The following TTC19 variants were observed in gnomAD, a reference collection of about 807,000 sequenced individuals.
TTC19 encodes the protein tetratricopeptide repeat protein 19, mitochondrial.
Under a neutral mutation model 49.5 loss-of-function variants are expected in TTC19, and 38 were observed. The ratio of observed to expected loss-of-function variants is 0.77; its 90% confidence interval spans 0.59 to 1.01. TTC19 has a LOEUF of 1.01. TTC19 is among the 50% of genes least tolerant of loss of function. The probability of loss-of-function intolerance (pLI) is 0.00; values close to 1 mark genes in which losing one functional copy is unlikely to be tolerated. For missense variants in TTC19, 475 were observed against 477.7 expected, an observed-to-expected ratio of 0.99 and a Z score of 0.05; for synonymous variants, 204 against 185.2, an observed-to-expected ratio of 1.10 and a Z score of -0.83.
At position 16,000,191 on chromosome 17, in the gene TTC19, G is replaced by C; in HGVS notation, c.258G>C (p.Glu86Asp). Residue 86 changes from glutamate (E) to aspartate (D), a missense_variant, in exon 2 of 10, where the codon GAG (glutamate) becomes GAC (aspartate). Coordinates refer to ENST00000261647, the MANE Select transcript of TTC19 (RefSeq NM_017775.4). ...EQQGADGAAA[E>D]DGADEAEAEI... is the part of the protein sequence containing the mutation. ...AGGGAGCCGACGGGGCCGCTGCCGA[G>C]GACGGGGCGGACGAGGCCGAGGCAG... The C allele has an allele frequency of 6.3e-7, 1 of 1,594,014 alleles. No homozygotes were observed. The highest frequency in any genetic ancestry group is 1.7e-5 in the Admixed American group (1 of 59,846).
rs1250944617 is a variant in TTC19, at chr17:16,029,395, T to C, written c.*1873T>C. 3.0e-6 allele frequency: 1 copy of C among 332,604 alleles called. No individual in the cohort carries two copies. Among genetic ancestry groups the C allele is most frequent in the Non-Finnish European group, 5.9e-6 (1 of 169,756 alleles). The allele number at this position is 332,604 out of a possible 1,614,324, so 20.6% of individuals were successfully genotyped here. A position where few individuals can be genotyped will look rare whatever the true frequency, so the allele number is the denominator to read the frequency against. On this transcript the variant is annotated 3_prime_UTR_variant, in exon 10 of 10. Coordinates refer to ENST00000261647, the MANE Select transcript of TTC19 (RefSeq NM_017775.4). The stretch of plus-strand genomic sequence containing the variant: ...GGTTAAAATCGTGTCATTAAAATTT[T>C]TTAACTGTCCAATGGTCACTGGAGT...
In TTC19 at chr17:16,028,570, A is replaced by AGAT. The variant is rs1425161170; in HGVS notation, c.*1049_*1051dup. 22 of 454,070 alleles carry AGAT rather than the reference A, an allele frequency of 4.8e-5. No individual in the cohort carries two copies. The highest frequency in any genetic ancestry group is 4.4e-4 in the African/African-American group (22 of 50,120). The allele number at this position is 454,070 out of a possible 1,614,324, so 28.1% of individuals were successfully genotyped here. A position where few individuals can be genotyped will look rare whatever the true frequency, so the allele number is the denominator to read the frequency against. On this transcript the variant is annotated 3_prime_UTR_variant, in exon 10 of 10. Coordinates refer to ENST00000261647, the MANE Select transcript of TTC19 (RefSeq NM_017775.4). ...TATCACACTGTCTCAAAGTATGTAA[A>AGAT]GATACATAGGTGGATGCTCTTACTG...
chr17:16,007,751 C>T (rs747144627), intron 7 of TTC19, among the ~76,000 whole-genome samples: 5 of 152,084 alleles, frequency 3.3e-5, no homozygotes, highest in Non-Finnish European at 7.4e-5. Flanking sequence ...TTCATGCCAC[C>T]CAGAATGGCA....
chr17:16,031,121 A>C (rs1971904796), downstream of TTC19: 2 of 193,652 alleles, frequency 1.0e-5, no homozygotes, highest in South Asian at 3.9e-4. Flanking sequence ...CAGTCTTTTA[A>C]ATTATTTGCA....
chr17:16,006,665 A>G (rs931794136), intron 7 of TTC19, 97 bp downstream of exon 7: 1 of 877,118 alleles, frequency 1.1e-6, no homozygotes. Flanking sequence ...GGAAGAGGGA[A>G]AGTTACCTAT....
chr17:16,020,458 A>G (rs1413512362), intron 7 of TTC19, among the ~76,000 whole-genome samples: 1 of 152,060 alleles, frequency 6.6e-6, no homozygotes, highest in Non-Finnish European at 1.5e-5. Flanking sequence ...TTTTCACATT[A>G]GGGCATTTGA....
chr17:16,032,260 C>A (rs112840784), downstream of TTC19: 1 of 1,536,514 alleles, frequency 6.5e-7, no homozygotes, highest in East Asian at 2.5e-5. Context: ...ACTAGAGATC[C>A]CTCTCCTGCA....
Position 16,040,291 on chromosome 17 carries a change from G to C in TTC19, c.248-4212G>C, listed in dbSNP as rs747028032. ...ATCTCAGTTCCTTTCTGTGCTACTG[G>C]GTAAACCTTCCTTCACTAAATTATT... is the stretch of plus-strand genomic sequence containing the variant. On this transcript the variant is annotated intron_variant, in intron 2 of 2. Transcript: ENST00000470649. 95 of 728,448 alleles carry C rather than the reference G, an allele frequency of 1.3e-4. No homozygotes were observed. In the Middle Eastern group the frequency reaches 2.1e-3, roughly 16 times the overall value. The allele number at this position is 728,448 out of a possible 1,614,324, so 45.1% of individuals were successfully genotyped here. A position where few individuals can be genotyped will look rare whatever the true frequency, so the allele number is the denominator to read the frequency against.
At chr17:16,030,068 AG>A (rs149322560), downstream of TTC19, 544 of 177,088 alleles carry the variant, frequency 3.1e-3, 6 homozygotes, top group African/African-American at 0.012. Flanking sequence ...ACTGCTGACC[AG>A]AAGTCTTACG....
At chr17:16,044,184 A>G (rs943743273) in intron 2 of TTC19, among the ~76,000 whole-genome samples, 16 of 151,654 alleles carry the variant, frequency 1.1e-4, no homozygotes, top group East Asian at 7.7e-4. Context: ...AAAAAAAAAA[A>G]AAAAGAAAGA....
chr17:16,034,759 C>A (rs961020101), intron 2 of TTC19: 8 of 1,608,418 alleles, frequency 5.0e-6, no homozygotes, highest in Non-Finnish European at 5.1e-6. Flanking sequence ...AAAGCAGAAT[C>A]CTTACCTGTT....
At chr17:16,026,880 A>G (rs1273198640) in intron 9 of TTC19, 178 bp downstream of exon 9, 3 of 724,218 alleles carry the variant, frequency 4.1e-6, no homozygotes, top group East Asian at 2.7e-5. Context: ...ATTGTGTTCA[A>G]TTCACGTAAC....
intron 2 of TTC19, among the ~76,000 whole-genome samples, chr17:16,035,702 C>T (rs907819139): frequency 5.9e-5 from 9 of 151,916 alleles, no homozygotes; most frequent in Non-Finnish European, 1.2e-4. Context: ...CCACCACACC[C>T]GGCTACTTTT....
intron 7 of TTC19, among the ~76,000 whole-genome samples, chr17:16,017,354 CAGG>C (rs2151667982): frequency 6.8e-6 from 1 of 147,558 alleles, no homozygotes; most frequent in Non-Finnish European, 1.5e-5. Flanking sequence ...GAGGCTGAGG[CAGG>C]AGAATGGCAC....
chr17:16,042,255 C>T (rs2057852087), intron 2 of TTC19, among the ~76,000 whole-genome samples: 1 of 152,228 alleles, frequency 6.6e-6, no homozygotes, highest in Middle Eastern at 3.4e-3. Flanking sequence ...TAAATTGAGC[C>T]TGAAACAGCA....
At position 16,026,594 on chromosome 17, in the gene TTC19, G is replaced by C. The variant is rs1971570054; in HGVS notation, c.886G>C (p.Asp296His). Residue 296 changes from aspartate to histidine, a missense_variant, in exon 9 of 10, where the codon GAT (aspartate) becomes CAT (histidine). Coordinates refer to ENST00000261647, the MANE Select transcript of TTC19 (RefSeq NM_017775.4). ...ATTLDAQGRF[D>H]EAYIYMQRAS... The stretch of plus-strand genomic sequence containing the variant: ...TACCCTGGATGCACAGGGCCGCTTT[G>C]ATGAGGCCTATATTTATATGCAAAG... The C allele has an allele frequency of 6.2e-7, 1 of 1,614,150 alleles. No homozygotes were observed. Among genetic ancestry groups the C allele is most frequent in the Non-Finnish European group, 8.5e-7 (1 of 1,180,004 alleles).
At chr17:16,043,212 AAAAT>A (rs764516499) in intron 2 of TTC19, among the ~76,000 whole-genome samples, 4 of 152,220 alleles carry the variant, frequency 2.6e-5, no homozygotes, top group Admixed American at 6.5e-5. Context: ...AGTTTTCAAA[AAAAT>A]AAAGTCACTG....
At chr17:16,032,431 A>T (rs1447224645), downstream of TTC19, 5 of 1,613,416 alleles carry the variant, frequency 3.1e-6, no homozygotes, top group Non-Finnish European at 3.4e-6. Flanking sequence ...GTGTTGGTGG[A>T]GTACTGCTGA....
intron 2 of TTC19, among the ~76,000 whole-genome samples, chr17:16,042,861 T>C (rs930524701): frequency 6.6e-5 from 10 of 152,216 alleles, no homozygotes; most frequent in South Asian, 4.1e-4. Flanking sequence ...TGCAAAGATA[T>C]GTAAGTAGAG....
Sources: gnomAD v4.1 joint callset for allele counts (sites outside exome capture counted in the v4.1 genomes callset) on GRCh38, gnomAD v4.1.1 for gene constraint, MANE v1.5 for transcripts, NCBI Gene and HGNC (gene_info 2026-07-23, HGNC 2026-07-21) for gene names.